The following WWOX variants were observed in gnomAD, a reference collection of about 807,000 sequenced individuals.
WWOX encodes WW domain-containing oxidoreductase.
Under a neutral mutation model 46.2 loss-of-function variants are expected in WWOX, and 69 were observed. The observed-to-expected ratio is 1.49, with a 90% CI of 1.23 to 1.82. The LOEUF is 1.82. Ranked by LOEUF, WWOX falls within the 40% of genes most tolerant of loss-of-function variation. WWOX has a pLI of 0.00. For synonymous variants in WWOX, 359 were observed against 202.6 expected (o/e 1.77, Z -6.56); for missense variants, 919 against 542.6 (o/e 1.69, Z -6.89).
chr16:78,881,232 G>T (rs1239048390), intron 8 of WWOX, among the ~76,000 whole-genome samples: 1 of 151,998 alleles, frequency 6.6e-6, no homozygotes, highest in Non-Finnish European at 1.5e-5. Flanking sequence ...CAAAACTCCT[G>T]GGCTCAAGCG....
At chr16:78,966,304 G>C (rs2151317737) in intron 8 of WWOX, among the ~76,000 whole-genome samples, 1 of 152,320 alleles carries the variant, frequency 6.6e-6, no homozygotes, top group South Asian at 2.1e-4. Flanking sequence ...AGCTGTTTCA[G>C]ATGGAACCAA....
chr16:78,507,647 G>T (rs914408505), intron 8 of WWOX, among the ~76,000 whole-genome samples: 2 of 152,068 alleles, frequency 1.3e-5, no homozygotes, highest in Non-Finnish European at 2.9e-5. Context: ...AAATGCCTTG[G>T]TCCCGTCTCC....
At chr16:79,128,929 G>A (rs1440556689) in intron 8 of WWOX, among the ~76,000 whole-genome samples, 1 of 152,166 alleles carries the variant, frequency 6.6e-6, no homozygotes, top group Non-Finnish European at 1.5e-5. Context: ...TGCCATTGTT[G>A]CCCAGTGTGA....
chr16:78,648,791 A>G (rs570673303), intron 8 of WWOX, among the ~76,000 whole-genome samples: 1 of 152,280 alleles, frequency 6.6e-6, no homozygotes, highest in East Asian at 1.9e-4. Flanking sequence ...AGCCTCTGCC[A>G]AACACAACTG....
intron 8 of WWOX, among the ~76,000 whole-genome samples, chr16:78,439,177 G>A (rs539167784): frequency 5.3e-5 from 8 of 152,320 alleles, no homozygotes; most frequent in African/African-American, 1.7e-4. Flanking sequence ...TTTCTGTTGC[G>A]AGGGGGAAAT....
intron 8 of WWOX, among the ~76,000 whole-genome samples, chr16:78,755,797 C>G (rs542106694): frequency 6.6e-6 from 1 of 152,200 alleles, no homozygotes; most frequent in Non-Finnish European, 1.5e-5. Context: ...CCTGGTTCCA[C>G]TCTCACTTTC....
intron 8 of WWOX, among the ~76,000 whole-genome samples, chr16:78,656,541 G>A (rs1281327371): frequency 6.6e-6 from 1 of 152,120 alleles, no homozygotes; most frequent in African/African-American, 2.4e-5. Context: ...GAAGGAGGAG[G>A]TACTACCCAC....
intron 8 of WWOX, among the ~76,000 whole-genome samples, chr16:78,928,660 C>G (rs1286366483): frequency 7.0e-6 from 1 of 143,106 alleles, no homozygotes; most frequent in Non-Finnish European, 1.5e-5. Flanking sequence ...CTTTGACTTA[C>G]TGGAAAAAAA....
intron 8 of WWOX, among the ~76,000 whole-genome samples, chr16:78,549,985 G>A (rs112889597): frequency 5.3e-5 from 8 of 152,062 alleles, no homozygotes; most frequent in Admixed American, 5.2e-4. Flanking sequence ...TCCCACCCCC[G>A]CAACAATGAA....
chr16:78,365,410 G>C (rs1192474757), intron 5 of WWOX, among the ~76,000 whole-genome samples: 2 of 152,156 alleles, frequency 1.3e-5, no homozygotes, highest in Non-Finnish European at 2.9e-5. Flanking sequence ...TCAGGTGCTT[G>C]CTAGGGTTCT....
At position 79,188,724 on chromosome 16, in the gene WWOX, C is replaced by G. The variant is rs147066492; in HGVS notation, c.1057-22884C>G. ...ACAAAGTCCTGATGTTTAAATCCTG[C>G]AAGCGAATTGCCACCTTTATTTCCA... On this transcript the variant is annotated intron_variant, in intron 8 of 8. Coordinates refer to ENST00000566780, the MANE Select transcript of WWOX (RefSeq NM_016373.4). Among the ~76,000 whole-genome samples, 381 of 152,334 alleles carry G rather than the reference C, an allele frequency of 2.5e-3. 1 individual carries two copies. The highest frequency in any genetic ancestry group is 8.5e-3 in the African/African-American group (354 of 41,584).
chr16:79,132,743 C>G lies in WWOX; in HGVS notation c.1057-78865C>G, dbSNP rs547998627. Among the ~76,000 whole-genome samples the G allele has an allele frequency of 1.6e-4, 24 of 152,338 alleles. 1 individual carries two copies. Among genetic ancestry groups the G allele is most frequent in the African/African-American group, 5.5e-4 (23 of 41,580 alleles). ...ATACTTTAAAAAAGTTAAGCACACT[C>G]AAGCCTCTTTAATTCTAAATTCAGT... On this transcript the variant is annotated intron_variant, in intron 8 of 8. Coordinates refer to ENST00000566780, the MANE Select transcript of WWOX (RefSeq NM_016373.4).
chr16:78,685,282 A>G (rs1410873454), intron 8 of WWOX, among the ~76,000 whole-genome samples: 1 of 152,104 alleles, frequency 6.6e-6, no homozygotes, highest in Non-Finnish European at 1.5e-5. Flanking sequence ...GACTCAAGTG[A>G]TGAGGCCTGG....
At chr16:78,386,737 C>T (rs1335420730) in intron 5 of WWOX, 123 bp from the exon 6 acceptor site, 1 of 767,612 alleles carries the variant, frequency 1.3e-6, no homozygotes, top group Non-Finnish European at 2.1e-6. Flanking sequence ...TTTATATTCT[C>T]TCTGGGCGTC....
At chr16:78,572,880 C>G (rs1052255681) in intron 8 of WWOX, among the ~76,000 whole-genome samples, 3 of 152,078 alleles carry the variant, frequency 2.0e-5, no homozygotes, top group Non-Finnish European at 2.9e-5. Context: ...GTGACAGGTA[C>G]CTAGGTAGTC....
intron 5 of WWOX, among the ~76,000 whole-genome samples, chr16:78,333,415 T>A (rs2080809800): frequency 6.6e-6 from 1 of 152,156 alleles, no homozygotes; most frequent in African/African-American, 2.4e-5. Context: ...AAAAGTTGCC[T>A]TATCAACCAT....
intron 6 of WWOX, among the ~76,000 whole-genome samples, chr16:78,388,735 C>T (rs1180789357): frequency 3.3e-5 from 5 of 149,344 alleles, no homozygotes; most frequent in Admixed American, 1.3e-4. Context: ...TTTGTGAGGC[C>T]GAGGTGGGCG....
intron 8 of WWOX, among the ~76,000 whole-genome samples, chr16:79,003,862 T>G (rs2047141464): frequency 6.6e-6 from 1 of 152,168 alleles, no homozygotes. Flanking sequence ...TCACTGGGAT[T>G]AAGGGGAAGG....
intron 8 of WWOX, among the ~76,000 whole-genome samples, chr16:78,633,725 G>A (rs1193052516): frequency 6.6e-6 from 1 of 152,150 alleles, no homozygotes. Context: ...GGGCTGGCAG[G>A]CCTGGCTTTC....
Sources: allele counts gnomAD v4.1 joint callset (sites outside exome capture counted in the v4.1 genomes callset), GRCh38; gene constraint gnomAD v4.1.1; transcripts MANE v1.5; gene names NCBI Gene and HGNC (gene_info 2026-07-23, HGNC 2026-07-21).